Variants in CLDN10 observed in about 807,000 individuals in gnomAD.
CLDN10 encodes the protein claudin 10, also known as claudin-10.
In CLDN10, 15 loss-of-function variants were observed where a neutral mutation model predicts 22.9. The observed-to-expected ratio is 0.65, with a 90% CI of 0.44 to 1.01. The LOEUF is 1.01. Ranked by LOEUF, CLDN10 falls within the 50% of genes least tolerant of loss-of-function variation. The pLI is 0.00. For synonymous variants in CLDN10, 114 were observed against 111.4 expected, an observed-to-expected ratio of 1.02 and a Z score of -0.15; for missense variants, 247 against 287.8, an observed-to-expected ratio of 0.86 and a Z score of 1.03.
intron 1 of CLDN10, among the ~76,000 whole-genome samples, chr13:95,520,516 G>C (rs2043213371): frequency 6.6e-6 from 1 of 152,144 alleles, no homozygotes; most frequent in African/African-American, 2.4e-5. Context: ...TGGGATTACA[G>C]GTGCCGGCTT....
At chr13:95,458,019 C>T (rs992178916) in intron 1 of CLDN10, among the ~76,000 whole-genome samples, 3 of 152,106 alleles carry the variant, frequency 2.0e-5, no homozygotes, top group Non-Finnish European at 2.9e-5. Flanking sequence ...AACTTATGCA[C>T]CTGGGGTCTA....
intron 1 of CLDN10, among the ~76,000 whole-genome samples, chr13:95,542,310 C>G (rs1313245621): frequency 1.3e-5 from 2 of 152,200 alleles, no homozygotes; most frequent in Admixed American, 6.5e-5. Flanking sequence ...ACCTTATCAG[C>G]AACCACAGGA....
chr13:95,520,253 C>A (rs1187616188), intron 1 of CLDN10, among the ~76,000 whole-genome samples: 2 of 152,162 alleles, frequency 1.3e-5, no homozygotes, highest in African/African-American at 4.8e-5. Context: ...AAATAGGTTT[C>A]TTTTTCATAT....
chr13:95,434,582 C>T (rs1566643392), intron 1 of CLDN10, among the ~76,000 whole-genome samples: 5 of 150,842 alleles, frequency 3.3e-5, no homozygotes. Context: ...TATACATTCA[C>T]ATATATAACC....
chr13:95,552,299 C>T (rs1398015732), upstream of CLDN10, among the ~76,000 whole-genome samples: 1 of 149,734 alleles, frequency 6.7e-6, no homozygotes, highest in East Asian at 2.0e-4. Context: ...CCTTTCAGGG[C>T]ATGCAAAAGG....
intron 1 of CLDN10, among the ~76,000 whole-genome samples, chr13:95,543,698 C>T (rs2138627700): frequency 6.6e-6 from 1 of 152,024 alleles, no homozygotes; most frequent in East Asian, 1.9e-4. Flanking sequence ...GAAAATGCAG[C>T]ATGTTTTTCT....
rs374264782 is a variant in CLDN10, at chr13:95,559,587, C to T, written c.221-545C>T. 3.9e-5 allele frequency among the ~76,000 whole-genome samples: 6 copies of T among 152,266 alleles called. No homozygotes were observed. In the East Asian group the frequency reaches 7.7e-4, roughly 20 times the overall value. On this transcript the variant is annotated intron_variant, in intron 1 of 4. Coordinates refer to ENST00000299339, the MANE Select transcript of CLDN10 (RefSeq NM_006984.5). ...TTCCAGTTAGTCTGCTATTAATAAGCGTCCACTAATATTGGAAGGTTTGAC... is the reference window on the plus strand; with the variant it reads ...TTCCAGTTAGTCTGCTATTAATAAGTGTCCACTAATATTGGAAGGTTTGAC...
At chr13:95,446,553 A>G (rs112850217) in intron 1 of CLDN10, among the ~76,000 whole-genome samples, 1,754 of 152,328 alleles carry the variant, frequency 0.012, 40 homozygotes, top group African/African-American at 0.04. Flanking sequence ...TAGAATTAAT[A>G]TAAGAAGGTT....
chr13:95,470,818 T>A (rs1342440400), intron 1 of CLDN10, among the ~76,000 whole-genome samples: 1 of 152,152 alleles, frequency 6.6e-6, no homozygotes, highest in Non-Finnish European at 1.5e-5. Flanking sequence ...GTAGCTACGT[T>A]CTCAGCCCAA....
intron 1 of CLDN10, among the ~76,000 whole-genome samples, chr13:95,521,591 A>G (rs533142269): frequency 2.0e-5 from 3 of 152,284 alleles, no homozygotes; most frequent in African/African-American, 7.2e-5. Context: ...CTAACACTTC[A>G]TTTATAATTT....
chr13:95,576,143 T>G (rs1484481949), intron 3 of CLDN10, among the ~76,000 whole-genome samples: 2 of 152,164 alleles, frequency 1.3e-5, no homozygotes, highest in Non-Finnish European at 2.9e-5. Context: ...CAGGCAGCAC[T>G]GGGTGGCCTT....
At chr13:95,566,771 T>C (rs1411360226) in intron 3 of CLDN10, among the ~76,000 whole-genome samples, 3 of 152,240 alleles carry the variant, frequency 2.0e-5, no homozygotes, top group African/African-American at 7.2e-5. Context: ...CATTTAATTC[T>C]TTAATCCATC....
intron 1 of CLDN10, among the ~76,000 whole-genome samples, chr13:95,439,649 A>G (rs2042306222): frequency 6.6e-6 from 1 of 151,782 alleles, no homozygotes; most frequent in Non-Finnish European, 1.5e-5. Flanking sequence ...GGCCTCTTTT[A>G]TAACAGCACT....
intron 1 of CLDN10, among the ~76,000 whole-genome samples, chr13:95,545,008 C>G (rs1486977862): frequency 6.6e-6 from 1 of 151,540 alleles, no homozygotes; most frequent in Non-Finnish European, 1.5e-5. Flanking sequence ...AAACTCCTGA[C>G]CTCAGGTGAT....
intron 1 of CLDN10, among the ~76,000 whole-genome samples, chr13:95,492,848 G>C (rs1249312512): frequency 5.3e-5 from 8 of 152,164 alleles, no homozygotes; most frequent in African/African-American, 1.9e-4. Flanking sequence ...CCTTTCTGCT[G>C]CTTCCTCTAC....
chr13:95,561,730 T>C (rs1384447989), intron 3 of CLDN10, among the ~76,000 whole-genome samples: 1 of 151,824 alleles, frequency 6.6e-6, no homozygotes, highest in Non-Finnish European at 1.5e-5. Context: ...GACAATATGC[T>C]ACATGTACTG....
intron 1 of CLDN10, among the ~76,000 whole-genome samples, chr13:95,467,529 T>TTTG (rs34372824): frequency 6.6e-6 from 1 of 150,784 alleles, no homozygotes; most frequent in Non-Finnish European, 1.5e-5. Flanking sequence ...TTGTTTTTTT[T>TTTG]GGGGGGGGCA....
upstream of CLDN10, chr13:95,552,682 C>T: frequency 2.0e-6 from 3 of 1,473,484 alleles, no homozygotes; most frequent in Non-Finnish European, 2.7e-6. Flanking sequence ...GAGGCGGAGC[C>T]CCGGGGTTGG....
intron 3 of CLDN10, 96 bp from the exon 4 acceptor site, chr13:95,577,135 C>A: frequency 1.3e-6 from 1 of 777,568 alleles, no homozygotes. Flanking sequence ...AGCAAAAAAA[C>A]ATAATAAGCA....
Sources: gnomAD v4.1 joint callset for allele counts (sites outside exome capture counted in the v4.1 genomes callset) on GRCh38, gnomAD v4.1.1 for gene constraint, MANE v1.5 for transcripts, NCBI Gene and HGNC (gene_info 2026-07-23, HGNC 2026-07-21) for gene names.